Variants in RBFOX3 observed in about 807,000 individuals in gnomAD.
RBFOX3 encodes RNA binding protein fox-1 homolog 3.
Under a neutral mutation model 48.7 loss-of-function variants are expected in RBFOX3, and 17 were observed. The observed-to-expected ratio is 0.35, with a 90% CI of 0.24 to 0.52. The LOEUF (loss-of-function observed/expected upper bound fraction) is 0.52, where lower values mean the gene tolerates loss of function less well. Ranked by LOEUF, RBFOX3 falls within the 20% of genes least tolerant of loss-of-function variation. RBFOX3 has a pLI of 0.94. For synonymous variants in RBFOX3, 212 were observed against 209.5 expected, an observed-to-expected ratio of 1.01 and a Z score of -0.10; for missense variants, 382 against 497.5, an observed-to-expected ratio of 0.77 and a Z score of 2.21.
chr17:79,142,365 G>C (rs977811683), intron 4 of RBFOX3, among the ~76,000 whole-genome samples: 2 of 152,192 alleles, frequency 1.3e-5, no homozygotes, highest in Admixed American at 6.5e-5. Flanking sequence ...TTATGATTGA[G>C]ATTAAACTGA....
At chr17:79,649,698 C>T in the RBFOX3 span, among the ~76,000 whole-genome samples, 1 of 150,292 alleles carries the variant, frequency 6.7e-6, no homozygotes, top group Non-Finnish European at 1.5e-5. Context: ...AACACTCCAC[C>T]TCAAAAAAGA....
chr17:79,510,761 A>C lies in RBFOX3; in HGVS notation c.-319-28163T>G, dbSNP rs1035783819. Among the ~76,000 whole-genome samples, 70 of 152,262 alleles carry C rather than the reference A, an allele frequency of 4.6e-4. No homozygotes were observed. In the South Asian group the frequency reaches 0.014, roughly 30 times the overall value. On this transcript the variant is annotated intron_variant, in intron 1 of 14. Coordinates refer to ENST00000693108, the MANE Select transcript of RBFOX3 (RefSeq NM_001350451.2). ...GGACGTTTCCCTGGCATCCGTCACC[A>C]AACTTTTTCCTTTGGGCGCCTCCCT... is the stretch of plus-strand genomic sequence containing the variant.
In RBFOX3 at chr17:79,124,639, G is replaced by A. The variant is rs906004171; in HGVS notation, c.-33-8891C>T. 2.6e-5 allele frequency among the ~76,000 whole-genome samples: 3 copies of A among 116,344 alleles called. No individual in the cohort carries two copies. The South Asian group carries it at 9.7e-4, about 38-fold the overall frequency. 76.3% of individuals were successfully genotyped at this position (116,344 alleles called of 152,430 possible). ...GGGATGGCACCAGCTCGGGTGTGGG[G>A]GCAGAGGGAAGGTGTTGCGGGGGTG... On this transcript the variant is annotated intron_variant, in intron 4 of 14. Transcript: ENST00000693108.
chr17:79,439,164 C>G (rs2070265020), intron 2 of RBFOX3, among the ~76,000 whole-genome samples: 1 of 152,196 alleles, frequency 6.6e-6, no homozygotes, highest in African/African-American at 2.4e-5. Flanking sequence ...GCGCAGCAAG[C>G]TGTCGGCAGG....
intron 4 of RBFOX3, among the ~76,000 whole-genome samples, chr17:79,127,304 G>C (rs2037550132): frequency 6.6e-6 from 1 of 152,166 alleles, no homozygotes; most frequent in Admixed American, 6.5e-5. Flanking sequence ...GAGCAGAGTG[G>C]GTAGTTTCCA....
intron 1 of RBFOX3, among the ~76,000 whole-genome samples, chr17:79,528,319 ACC>A (rs2087106111): frequency 1.5e-5 from 2 of 129,210 alleles, no homozygotes; most frequent in African/African-American, 6.7e-5. Context: ...CTTAGTTGAA[ACC>A]CTGAGGTACC....
At chr17:79,138,976 C>T (rs1210597799) in intron 4 of RBFOX3, among the ~76,000 whole-genome samples, 4 of 142,562 alleles carry the variant, frequency 2.8e-5, no homozygotes, top group East Asian at 4.3e-4. Flanking sequence ...ACAGCACATG[C>T]GTTCACACCC....
intron 4 of RBFOX3, among the ~76,000 whole-genome samples, chr17:79,129,086 C>T (rs1038827550): frequency 1.3e-5 from 2 of 152,058 alleles, no homozygotes; most frequent in African/African-American, 2.4e-5. Flanking sequence ...GGGGCTGACC[C>T]GGTTCAGGCA....
In RBFOX3 at chr17:79,535,278, C is replaced by A. The variant is rs1555788426; in HGVS notation, c.-319-52680G>T. Among the ~76,000 whole-genome samples, 1 of 152,188 alleles carries A rather than the reference C, an allele frequency of 6.6e-6. No homozygotes were observed. The highest frequency in any genetic ancestry group is 1.5e-5 in the Non-Finnish European group (1 of 68,034). Reference sequence around the variant, plus strand: ...AAGGGCTGTTCACAGAGGCTGACTCCCGTCCTCCCTTTCCTGAAAGACACT... The same window carrying A: ...AAGGGCTGTTCACAGAGGCTGACTCACGTCCTCCCTTTCCTGAAAGACACT... On this transcript the variant is annotated intron_variant, in intron 1 of 14. Transcript: ENST00000693108. This position sits in a 1 kb window ranked among gnomAD's most constrained non-coding sequence, Gnocchi z 4.5.
chr17:79,213,648 C>G (rs899554491), intron 4 of RBFOX3, among the ~76,000 whole-genome samples: 7 of 152,216 alleles, frequency 4.6e-5, no homozygotes, highest in Non-Finnish European at 1.0e-4. Context: ...ATGTCCTGAG[C>G]CTTCCCCGGG....
At chr17:79,622,330 G>A in the RBFOX3 span, among the ~76,000 whole-genome samples, 38 of 152,090 alleles carry the variant, frequency 2.5e-4, 1 homozygote, top group African/African-American at 8.5e-4. Flanking sequence ...CATCTGTCAC[G>A]GGGAGTGGCA....
intron 4 of RBFOX3, chr17:79,135,202 G>C (rs539808338): frequency 6.6e-6 from 1 of 152,516 alleles, no homozygotes; most frequent in South Asian, 2.1e-4. Flanking sequence ...CAGCCAGGGA[G>C]ACTGAGTCAG....
At chr17:79,643,962 A>G in the RBFOX3 span, among the ~76,000 whole-genome samples, 12 of 152,266 alleles carry the variant, frequency 7.9e-5, no homozygotes, top group African/African-American at 2.9e-4. Flanking sequence ...AAGAAAATTA[A>G]CAGAGCTAAA....
In RBFOX3 at chr17:79,249,320, C is replaced by T. The variant is rs190882753; in HGVS notation, c.-73-13515G>A. Among the ~76,000 whole-genome samples the T allele has an allele frequency of 1.4e-3, 217 of 152,296 alleles. 2 individuals are homozygous for T. Among genetic ancestry groups the T allele is most frequent in the African/African-American group, 4.9e-3 (205 of 41,554 alleles). On this transcript the variant is annotated intron_variant, in intron 3 of 14. Coordinates refer to ENST00000693108, the MANE Select transcript of RBFOX3 (RefSeq NM_001350451.2). The surrounding 1 kb of genome is among the most constrained non-coding windows in gnomAD (Gnocchi z 4.1). ...CAAAGTCAGAGTCCACTCATAACCA[C>T]CTCCCTCTGTTCCCTGTGTCTCGGC...
intron 5 of RBFOX3, among the ~76,000 whole-genome samples, chr17:79,109,011 C>T (rs1159051965): frequency 6.6e-6 from 1 of 152,278 alleles, no homozygotes; most frequent in African/African-American, 2.4e-5. Flanking sequence ...TGTCCCGATG[C>T]TCACCTGGGC....
chr17:79,442,935 T>C (rs782445953), intron 2 of RBFOX3, among the ~76,000 whole-genome samples: 2 of 152,088 alleles, frequency 1.3e-5, no homozygotes, highest in Non-Finnish European at 2.9e-5. Context: ...CAATGGAAAA[T>C]CTGACTGACT....
At position 79,220,923 on chromosome 17, in the gene RBFOX3, G is replaced by T. The variant is rs2059647198; in HGVS notation, c.-34+14843C>A. Among the ~76,000 whole-genome samples, 1 of 152,148 alleles carries T rather than the reference G, an allele frequency of 6.6e-6. No homozygotes were observed. The highest frequency in any genetic ancestry group is 6.5e-5 in the Admixed American group (1 of 15,284). ...GGTGCAGCAGGGGTGAGAGGGTGGAGTGCAGGGAGGTGGGGCCACCGCCTG... is the reference window on the plus strand; with the variant it reads ...GGTGCAGCAGGGGTGAGAGGGTGGATTGCAGGGAGGTGGGGCCACCGCCTG... On this transcript the variant is annotated intron_variant, in intron 4 of 14. Coordinates refer to ENST00000693108, the MANE Select transcript of RBFOX3 (RefSeq NM_001350451.2). The surrounding 1 kb of genome is among the most constrained non-coding windows in gnomAD (Gnocchi z 5.9).
chr17:79,180,480 ACTCACG>A (rs1430700396), intron 4 of RBFOX3, among the ~76,000 whole-genome samples: 4 of 152,124 alleles, frequency 2.6e-5, no homozygotes, highest in Non-Finnish European at 4.4e-5. Context: ...TGGTGCCAAC[ACTCACG>A]CAGAGGACCT....
rs528958011 is a variant in RBFOX3, at chr17:79,410,478, T to C, written c.-175+71976A>G. On this transcript the variant is annotated intron_variant, in intron 2 of 14. Transcript: ENST00000693108. Reference sequence around the variant, plus strand: ...TCATTAAGGACCCAGGTAGGGAGTTTATCAGGTGGGCCTGACCTAAGCAGA... The same window carrying C: ...TCATTAAGGACCCAGGTAGGGAGTTCATCAGGTGGGCCTGACCTAAGCAGA... 2.8e-4 allele frequency among the ~76,000 whole-genome samples: 42 copies of C among 152,210 alleles called. 1 individual carries two copies. In the South Asian group the frequency reaches 7.9e-3, roughly 29 times the overall value.
Sources: allele counts gnomAD v4.1 joint callset (sites outside exome capture counted in the v4.1 genomes callset), GRCh38; gene constraint gnomAD v4.1.1; non-coding constraint Gnocchi (gnomAD v3.1); transcripts MANE v1.5; gene names NCBI Gene and HGNC (gene_info 2026-07-23, HGNC 2026-07-21).